Variants in BRAF observed in about 807,000 individuals in gnomAD.
BRAF encodes serine/threonine-protein kinase B-raf.
Under a neutral mutation model 104.6 loss-of-function variants are expected in BRAF, and 16 were observed. That is an observed-to-expected ratio of 0.15 (90% confidence interval 0.10 to 0.23). The LOEUF is 0.23. Among genes scored for constraint, BRAF ranks in the 10% least tolerant of loss-of-function variants. BRAF has a pLI of 1.00. For missense variants in BRAF, 541 were observed against 937.3 expected (o/e 0.58, Z 5.52); for synonymous variants, 310 against 341.6 (o/e 0.91, Z 1.02).
intron 3 of BRAF, among the ~76,000 whole-genome samples, chr7:140,827,325 G>GAGGGT (rs1488780864): frequency 1.3e-5 from 2 of 152,132 alleles, no homozygotes; most frequent in African/African-American, 4.8e-5. Context: ...CGGGCTGAGG[G>GAGGGT]AGGGTTTCCA....
chr7:140,860,545 A>G (rs1210734935), intron 1 of BRAF, among the ~76,000 whole-genome samples: 1 of 151,828 alleles, frequency 6.6e-6, no homozygotes. Flanking sequence ...ACAGAGGCTG[A>G]GAGGCTGAGG....
chr7:140,769,896 T>C (rs62487914), intron 14 of BRAF, among the ~76,000 whole-genome samples: 8,630 of 152,236 alleles, frequency 0.057, 293 homozygotes, highest in South Asian at 0.11. Flanking sequence ...TATTATATTG[T>C]TTCCTATAAT....
chr7:140,792,385 C>T (rs1010100495), intron 8 of BRAF, among the ~76,000 whole-genome samples: 5 of 152,170 alleles, frequency 3.3e-5, no homozygotes, highest in Non-Finnish European at 7.4e-5. Context: ...CAGAGTAATA[C>T]ACAAAGCCTT....
intron 1 of BRAF, among the ~76,000 whole-genome samples, chr7:140,867,258 G>A (rs1396804574): frequency 6.6e-6 from 1 of 152,118 alleles, no homozygotes; most frequent in African/African-American, 2.4e-5. Context: ...CTCATATATT[G>A]CATGGTCTAT....
intron 1 of BRAF, among the ~76,000 whole-genome samples, chr7:140,879,733 T>C (rs540672947): frequency 7.8e-6 from 1 of 127,594 alleles, no homozygotes; most frequent in Non-Finnish European, 1.5e-5. Flanking sequence ...GCAATTTCTT[T>C]CTTTTTTTTT....
At chr7:140,742,016 AC>A (rs1796963848) in intron 17 of BRAF, among the ~76,000 whole-genome samples, 4 of 152,042 alleles carry the variant, frequency 2.6e-5, no homozygotes, top group South Asian at 4.1e-4. Flanking sequence ...ATTTAACATA[AC>A]CTTGTGGACA....
Position 140,726,008 on chromosome 7 carries a change from C to A in BRAF, c.*486G>T, listed in dbSNP as rs1795578311. 6 of 1,068,864 alleles carry A rather than the reference C, an allele frequency of 5.6e-6. No homozygotes were observed. The South Asian group carries it at 2.7e-4, about 48-fold the overall frequency. The allele number at this position is 1,068,864 out of a possible 1,614,324, so 66.2% of individuals were successfully genotyped here. A position where few individuals can be genotyped will look rare whatever the true frequency, so the allele number is the denominator to read the frequency against. On this transcript the variant is annotated 3_prime_UTR_variant, in exon 20 of 20. Coordinates refer to ENST00000644969, the MANE Select transcript of BRAF (RefSeq NM_001374258.1). ...TTTTGTTCCATCCCTCAGAAACTAA[C>A]TGGTGGTCACTAGGGGAAAGAGCTC...
chr7:140,878,486 G>C (rs1812509987), intron 1 of BRAF, among the ~76,000 whole-genome samples: 2 of 152,062 alleles, frequency 1.3e-5, no homozygotes, highest in Non-Finnish European at 2.9e-5. Context: ...CCTACAGAAT[G>C]CAAGAAAATA....
chr7:140,816,772 A>G (rs1804925020), intron 3 of BRAF, among the ~76,000 whole-genome samples: 1 of 152,128 alleles, frequency 6.6e-6, no homozygotes, highest in Non-Finnish European at 1.5e-5. Context: ...ACTAAAAACA[A>G]CTCAAAGATG....
intron 1 of BRAF, among the ~76,000 whole-genome samples, chr7:140,850,872 T>C (rs912381001): frequency 6.6e-6 from 1 of 152,224 alleles, no homozygotes; most frequent in Non-Finnish European, 1.5e-5. Flanking sequence ...CTGGTTCTCC[T>C]TGTCTACTTC....
rs779101864 is a variant in BRAF at position 140,800,392 on chromosome 7, G to A, written c.950C>T (p.Ser317Phe). ...LAETALTSGS[S>F]PSAPASDSIG... is the part of the protein sequence containing the mutation. ...AGAGTCCGAGGCGGGTGCGGAAGGGGATGATCCAGATGTTAGGGCAGTCTC... is the reference window on the plus strand; with the variant it reads ...AGAGTCCGAGGCGGGTGCGGAAGGGAATGATCCAGATGTTAGGGCAGTCTC... The change falls in exon 7 of 20, where the codon TCC becomes TTC. Residue 317 changes from serine to phenylalanine, a missense_variant. By Grantham distance (155) the Ser-to-Phe change is radical. Transcript: ENST00000644969. 4 of 1,614,186 alleles carry A rather than the reference G, an allele frequency of 2.5e-6. No homozygotes were observed. In the East Asian group the frequency reaches 8.9e-5, roughly 36 times the overall value.
At chr7:140,770,930 CAAA>C (rs568324541) in intron 14 of BRAF, among the ~76,000 whole-genome samples, 1 of 63,464 alleles carries the variant, frequency 1.6e-5, no homozygotes, top group African/African-American at 5.3e-5. Flanking sequence ...GATTCCATCT[CAAA>C]AAAAAAAAAA....
Position 140,800,371 on chromosome 7 carries a change from T to G in BRAF, c.971A>C (p.Asp324Ala). Reference protein sequence around the residue: ...SGSSPSAPASDSIGPQILTSP... With the variant: ...SGSSPSAPASASIGPQILTSP... ...AGAAGTCAAACCATACCCAATAGAG[T>G]CCGAGGCGGGTGCGGAAGGGGATGA... Residue 324 changes from aspartate (D) to alanine (A), a missense_variant, in exon 7 of 20, where the codon GAC becomes GCC. Around this residue, in one of 10 missense-constraint regions of BRAF, gnomAD observed 79 missense variants for 74.6 expected, o/e 1.06. Coordinates refer to ENST00000644969, the MANE Select transcript of BRAF (RefSeq NM_001374258.1). 1.2e-6 allele frequency: 2 copies of G among 1,613,936 alleles called. No individual in the cohort carries two copies. Among genetic ancestry groups the G allele is most frequent in the Middle Eastern group, 1.7e-4 (1 of 6,058 alleles).
chr7:140,753,176 T>C (rs2128997854), intron 16 of BRAF, 99 bp downstream of exon 15: 1 of 877,744 alleles, frequency 1.1e-6, no homozygotes, highest in Non-Finnish European at 1.9e-6. Context: ...CTGGGAACTA[T>C]GAAAATACTA....
intron 1 of BRAF, among the ~76,000 whole-genome samples, chr7:140,910,491 C>T (rs950946383): frequency 1.2e-4 from 19 of 152,116 alleles, no homozygotes; most frequent in African/African-American, 4.3e-4. Flanking sequence ...AAATGAAATC[C>T]CAAGCACAAT....
chr7:140,763,736 G>C (rs1441946077), intron 14 of BRAF, among the ~76,000 whole-genome samples: 1 of 152,186 alleles, frequency 6.6e-6, no homozygotes, highest in East Asian at 1.9e-4. Context: ...ACTCTCCCAA[G>C]ACTAAACCAG....
At chr7:140,781,883 A>C (rs1800912235) in intron 11 of BRAF, among the ~76,000 whole-genome samples, 190 bp from the exon 11 acceptor site, 1 of 152,226 alleles carries the variant, frequency 6.6e-6, no homozygotes, top group Admixed American at 6.5e-5. Flanking sequence ...GACTGAAGTC[A>C]ATATTAGGAT....
chr7:140,717,686 TATA>T (rs1344858063), downstream of BRAF, among the ~76,000 whole-genome samples: 2 of 152,188 alleles, frequency 1.3e-5, no homozygotes, highest in Non-Finnish European at 2.9e-5. Context: ...AATACAACTT[TATA>T]ATAACCAAAG....
chr7:140,843,349 C>T (rs1309642409), intron 2 of BRAF, among the ~76,000 whole-genome samples: 1 of 152,152 alleles, frequency 6.6e-6, no homozygotes, highest in African/African-American at 2.4e-5. Flanking sequence ...GACAGAAAAG[C>T]TAAAGGGACT....
Sources: allele counts gnomAD v4.1 joint callset (sites outside exome capture counted in the v4.1 genomes callset), GRCh38; gene constraint gnomAD v4.1.1; regional missense constraint gnomAD v4.1.1; transcripts MANE v1.5; gene names NCBI Gene and HGNC (gene_info 2026-07-23, HGNC 2026-07-21).